CSMD2: variants seen among roughly 807,000 people sequenced by gnomAD.
CSMD2 encodes the protein CUB and Sushi multiple domains 2, also known as CUB and sushi domain-containing protein 2.
A neutral mutation model predicts 398.5 loss-of-function variants in CSMD2; 130 were observed. The observed-to-expected ratio is 0.33, with a 90% CI of 0.28 to 0.38. The LOEUF (loss-of-function observed/expected upper bound fraction) is 0.38. Among genes scored for constraint, CSMD2 ranks in the 10% least tolerant of loss-of-function variants. The probability of loss-of-function intolerance (pLI) is 1.00; values close to 1 mark genes in which losing one functional copy is unlikely to be tolerated. For synonymous variants in CSMD2, 1,828 were observed against 1,908.5 expected (o/e 0.96, Z 1.10); for missense variants, 3,829 against 4,764.9 (o/e 0.80, Z 5.78).
intron 5 of CSMD2, among the ~76,000 whole-genome samples, chr1:33,886,106 A>G (rs1002769601): frequency 3.9e-5 from 6 of 152,220 alleles, no homozygotes; most frequent in Admixed American, 3.9e-4. Flanking sequence ...CCTGAATAAA[A>G]GAATGCATGA....
At chr1:34,001,119 T>A (rs750613471) in intron 3 of CSMD2, among the ~76,000 whole-genome samples, 3 of 152,036 alleles carry the variant, frequency 2.0e-5, no homozygotes, top group Non-Finnish European at 4.4e-5. Context: ...AAAACTCAAC[T>A]CATGAACTTG....
At chr1:33,825,872 C>A in intron 6 of CSMD2, 98 bp from the exon 7 acceptor site, 1 of 977,874 alleles carries the variant, frequency 1.0e-6, no homozygotes, top group Non-Finnish European at 1.5e-6. Context: ...TTGGAACATT[C>A]CATGGTGGGT....
At chr1:34,121,772 G>C (rs1289219490) in intron 1 of CSMD2, among the ~76,000 whole-genome samples, 1 of 151,996 alleles carries the variant, frequency 6.6e-6, no homozygotes, top group Non-Finnish European at 1.5e-5. Context: ...GCACTCCAGG[G>C]GCTCTTCCAA....
At chr1:33,759,324 C>CTTTTTTTT (rs756784492) in intron 13 of CSMD2, among the ~76,000 whole-genome samples, 2 of 124,788 alleles carry the variant, frequency 1.6e-5, no homozygotes, top group Non-Finnish European at 3.4e-5. Context: ...CTTTTTTTTT[C>CTTTTTTTT]TTTTTTTTTT....
intron 29 of CSMD2, among the ~76,000 whole-genome samples, chr1:33,639,981 G>A (rs1239638089): frequency 6.6e-6 from 1 of 152,186 alleles, no homozygotes; most frequent in Non-Finnish European, 1.5e-5. Context: ...GGCCAAATGA[G>A]TCTTCCAAGC....
intron 1 of CSMD2, among the ~76,000 whole-genome samples, chr1:34,123,157 G>C (rs1662365471): frequency 6.6e-6 from 1 of 152,226 alleles, no homozygotes; most frequent in Non-Finnish European, 1.5e-5. Flanking sequence ...AATAAGGCAG[G>C]ATTAGAGGGT....
intron 2 of CSMD2, among the ~76,000 whole-genome samples, chr1:34,078,228 T>C (rs1200873367): frequency 1.3e-5 from 2 of 151,916 alleles, no homozygotes; most frequent in Non-Finnish European, 2.9e-5. Flanking sequence ...CTGGCCCCAC[T>C]GTCTGTGTGG....
intron 3 of CSMD2, among the ~76,000 whole-genome samples, chr1:34,012,188 C>A (rs149578980): frequency 6.6e-6 from 1 of 152,290 alleles, no homozygotes; most frequent in East Asian, 1.9e-4. Flanking sequence ...ACCCAGGACT[C>A]CTTGCTCCTC....
chr1:34,049,944 C>A (rs540884962), intron 2 of CSMD2, among the ~76,000 whole-genome samples: 1 of 152,284 alleles, frequency 6.6e-6, no homozygotes, highest in South Asian at 2.1e-4. Flanking sequence ...GAAAAGACCC[C>A]TTTCTCTGCC....
Position 33,681,872 on chromosome 1 carries a change from C to T in CSMD2, c.4052+11058G>A, listed in dbSNP as rs145173527. 5.0e-3 allele frequency among the ~76,000 whole-genome samples: 759 copies of T among 152,174 alleles called. 6 individuals are homozygous for T. The highest frequency in any genetic ancestry group is 0.048 in the Middle Eastern group (14 of 294). On this transcript the variant is annotated intron_variant, in intron 25 of 70. Transcript: ENST00000373381. ...CCCCAGGTACTTGGGAGGCTGAGGT[C>T]GGAGAATCACTTGAACCCGGGAGGT...
In CSMD2 at chr1:33,968,708, C is replaced by T. The variant is rs972956360; in HGVS notation, c.518-32754G>A. ...AAAATGCAGCCCCACCATCACTTGA[C>T]AGCAGCCTTTTGAAACCCTGCACTG... is the stretch of plus-strand genomic sequence containing the variant. On this transcript the variant is annotated intron_variant, in intron 3 of 70. Coordinates refer to ENST00000373381, the MANE Select transcript of CSMD2 (RefSeq NM_001281956.2). 1.6e-4 allele frequency among the ~76,000 whole-genome samples: 24 copies of T among 152,200 alleles called. 1 individual carries two copies. The highest frequency in any genetic ancestry group is 4.4e-5 in the Non-Finnish European group (3 of 68,042).
chr1:33,971,167 C>T (rs943607244), intron 3 of CSMD2, among the ~76,000 whole-genome samples: 47 of 152,314 alleles, frequency 3.1e-4, no homozygotes, highest in African/African-American at 1.0e-3. Context: ...GCTTCTGGCA[C>T]GGCCAAGGAC....
At chr1:33,619,592 T>C (rs539850547) in intron 37 of CSMD2, among the ~76,000 whole-genome samples, 2 of 152,344 alleles carry the variant, frequency 1.3e-5, no homozygotes, top group African/African-American at 2.4e-5. Context: ...CATCATAATC[T>C]TGAGTGTACA....
chr1:33,571,375 C>T (rs1212515359), intron 51 of CSMD2, among the ~76,000 whole-genome samples, 157 bp downstream of exon 51: 1 of 152,186 alleles, frequency 6.6e-6, no homozygotes, highest in East Asian at 1.9e-4. Context: ...TAGGCATTTT[C>T]CCAGCTCCTG....
chr1:33,721,478 A>G lies in CSMD2; in HGVS notation c.3001+2719T>C, dbSNP rs186643124. The stretch of plus-strand genomic sequence containing the variant: ...ACACCTCCTGTAATCACAGATGCCC[A>G]GACACAGAGAAAACCACAATGACAG... On this transcript the variant is annotated intron_variant, in intron 19 of 70. Coordinates refer to ENST00000373381, the MANE Select transcript of CSMD2 (RefSeq NM_001281956.2). Among the ~76,000 whole-genome samples, 580 of 152,360 alleles carry G rather than the reference A, an allele frequency of 3.8e-3. 2 individuals carry two copies. The highest frequency in any genetic ancestry group is 0.013 in the African/African-American group (550 of 41,584).
intron 1 of CSMD2, among the ~76,000 whole-genome samples, chr1:34,135,916 G>A (rs1638706888): frequency 3.3e-5 from 5 of 152,112 alleles, no homozygotes; most frequent in African/African-American, 1.2e-4. Context: ...TCTGCAGTGG[G>A]GAGAAGGGCT....
At chr1:33,810,617 A>T (rs1570062208) in intron 10 of CSMD2, 126 bp downstream of exon 10, 1 of 987,708 alleles carries the variant, frequency 1.0e-6, no homozygotes, top group East Asian at 2.8e-5. Context: ...AATAAAAAAA[A>T]AAGTAAAAGA....
In CSMD2 at chr1:34,165,124, G is replaced by A. The variant is rs1472460377; in HGVS notation, c.-27C>T. The A allele has an allele frequency of 1.2e-5, 14 of 1,213,022 alleles. No individual in the cohort carries two copies. The East Asian group carries it at 2.7e-4, about 23-fold the overall frequency. 75.1% of individuals were successfully genotyped at this position (1,213,022 alleles called of 1,614,324 possible). ...GCGCGGCCGGCAGCGCCGAGGGAGA[G>A]GCTCCGCTCGCCGCCGAGGAGAAAG... is the stretch of plus-strand genomic sequence containing the variant. On this transcript the variant is annotated 5_prime_UTR_variant, in exon 1 of 71. Transcript: ENST00000373381.
chr1:34,069,294 C>T (rs775760444), intron 2 of CSMD2, among the ~76,000 whole-genome samples: 3 of 152,176 alleles, frequency 2.0e-5, no homozygotes, highest in Admixed American at 6.5e-5. Context: ...AGGTCTCTGT[C>T]TGCAGTGGTG....
Sources: gnomAD v4.1 joint callset for allele counts (sites outside exome capture counted in the v4.1 genomes callset) on GRCh38, gnomAD v4.1.1 for gene constraint, MANE v1.5 for transcripts, NCBI Gene and HGNC (gene_info 2026-07-23, HGNC 2026-07-21) for gene names.